Variants in CNTN1 observed in about 807,000 individuals in gnomAD.
CNTN1 encodes contactin 1, also known as contactin-1.
A neutral mutation model predicts 126.4 loss-of-function variants in CNTN1; 38 were observed. The observed-to-expected ratio is 0.30, with a 90% CI of 0.23 to 0.39. CNTN1 has a LOEUF of 0.39. Among genes scored for constraint, CNTN1 ranks in the 10% least tolerant of loss-of-function variants. The pLI is 1.00. For synonymous variants in CNTN1, 413 were observed against 422.6 expected, an observed-to-expected ratio of 0.98 and a Z score of 0.28; for missense variants, 1,009 against 1,248.4, an observed-to-expected ratio of 0.81 and a Z score of 2.89.
chr12:40,972,378 A>G (rs1205648095), intron 15 of CNTN1: 2 of 984,190 alleles, frequency 2.0e-6, no homozygotes, highest in Admixed American at 6.2e-5. Flanking sequence ...CTTTGGTCAA[A>G]GAGATGTGCT....
intron 1 of CNTN1, among the ~76,000 whole-genome samples, chr12:40,815,127 A>C (rs1941215337): frequency 6.6e-6 from 1 of 152,126 alleles, no homozygotes; most frequent in African/African-American, 2.4e-5. Flanking sequence ...TGTCTTGGCT[A>C]TTTGAGGTCT....
At chr12:40,844,784 A>C (rs1368984394) in intron 1 of CNTN1, among the ~76,000 whole-genome samples, 1 of 152,244 alleles carries the variant, frequency 6.6e-6, no homozygotes, top group East Asian at 1.9e-4. Context: ...AAGTGTAATA[A>C]TAATTGAAAA....
chr12:40,999,308 T>C (rs1351183593), intron 17 of CNTN1, among the ~76,000 whole-genome samples: 2 of 152,246 alleles, frequency 1.3e-5, no homozygotes, highest in East Asian at 1.9e-4. Flanking sequence ...TATTAATAAA[T>C]GATTAATAAT....
chr12:40,744,890 A>G (rs1302041936), intron 1 of CNTN1, among the ~76,000 whole-genome samples: 1 of 152,124 alleles, frequency 6.6e-6, no homozygotes, highest in Non-Finnish European at 1.5e-5. Flanking sequence ...TTTGGAGAAC[A>G]TTTGGAAAAA....
chr12:40,921,384 G>T (rs537124872), intron 4 of CNTN1, among the ~76,000 whole-genome samples: 62 of 152,218 alleles, frequency 4.1e-4, no homozygotes, highest in African/African-American at 1.4e-3. Context: ...GATAAACCCT[G>T]ATAAAGAATG....
intron 1 of CNTN1, among the ~76,000 whole-genome samples, chr12:40,693,466 C>T (rs1225041268): frequency 6.6e-6 from 1 of 152,218 alleles, no homozygotes; most frequent in Non-Finnish European, 1.5e-5. Flanking sequence ...CTGCAGGAGT[C>T]AGATTGCTGG....
At chr12:40,933,077 C>T (rs550356939) in intron 7 of CNTN1, among the ~76,000 whole-genome samples, 15 of 151,640 alleles carry the variant, frequency 9.9e-5, no homozygotes, top group South Asian at 6.3e-4. Flanking sequence ...TCTTGCCTTG[C>T]GTCTTTCTTT....
At chr12:40,964,258 T>A (rs1395612596) in intron 15 of CNTN1, among the ~76,000 whole-genome samples, 1 of 152,172 alleles carries the variant, frequency 6.6e-6, no homozygotes, top group Non-Finnish European at 1.5e-5. Flanking sequence ...TTCACTCAAA[T>A]CTGAGTTTAA....
intron 1 of CNTN1, among the ~76,000 whole-genome samples, chr12:40,882,332 A>G (rs1340468334): frequency 6.6e-6 from 1 of 151,788 alleles, no homozygotes; most frequent in Non-Finnish European, 1.5e-5. Flanking sequence ...CCTCATCAGT[A>G]TATTTATGCC....
intron 23 of CNTN1, among the ~76,000 whole-genome samples, chr12:41,062,825 C>T (rs1382569208): frequency 6.6e-6 from 1 of 152,084 alleles, no homozygotes; most frequent in East Asian, 1.9e-4. Flanking sequence ...TATATTTCTG[C>T]CACAAAATTT....
intron 1 of CNTN1, among the ~76,000 whole-genome samples, chr12:40,701,509 T>C (rs1485806400): frequency 6.6e-6 from 1 of 152,110 alleles, no homozygotes; most frequent in Non-Finnish European, 1.5e-5. Flanking sequence ...ATATTATAAA[T>C]AATATTTATA....
intron 1 of CNTN1, among the ~76,000 whole-genome samples, chr12:40,694,168 T>C (rs1239409206): frequency 3.3e-5 from 5 of 152,324 alleles, no homozygotes; most frequent in African/African-American, 1.2e-4. Flanking sequence ...TTTGGGGATC[T>C]GGGAATGGAT....
chr12:40,765,652 A>G (rs185556152), intron 1 of CNTN1, among the ~76,000 whole-genome samples: 1 of 152,366 alleles, frequency 6.6e-6, no homozygotes, highest in African/African-American at 2.4e-5. Context: ...ATATGAGAAC[A>G]GAAAAATGAC....
At chr12:40,738,314 G>A (rs1784248516) in intron 1 of CNTN1, among the ~76,000 whole-genome samples, 1 of 151,954 alleles carries the variant, frequency 6.6e-6, no homozygotes, top group Non-Finnish European at 1.5e-5. Flanking sequence ...GAAAATTGCT[G>A]TTTTATTTTG....
At chr12:41,018,608 A>T (rs976710364) in intron 19 of CNTN1, among the ~76,000 whole-genome samples, 2 of 150,936 alleles carry the variant, frequency 1.3e-5, no homozygotes, top group African/African-American at 2.4e-5. Flanking sequence ...ATGTGTGTAT[A>T]TATAAGTATA....
chr12:40,796,419 C>T (rs1297725413), intron 1 of CNTN1, among the ~76,000 whole-genome samples: 1 of 152,018 alleles, frequency 6.6e-6, no homozygotes, highest in Non-Finnish European at 1.5e-5. Flanking sequence ...CCTAGAAAAG[C>T]AAACTTGGAG....
intron 20 of CNTN1, among the ~76,000 whole-genome samples, chr12:41,024,104 C>T (rs116873535): frequency 0.012 from 1,790 of 152,200 alleles, 21 homozygotes; most frequent in South Asian, 0.047. Flanking sequence ...GAAATGTGCT[C>T]ATTCAACACA....
rs530097011 is a variant in CNTN1, at chr12:40,718,381, G to A, written c.-77+25789G>A. On this transcript the variant is annotated intron_variant, in intron 1 of 23. Coordinates refer to ENST00000551295, the MANE Select transcript of CNTN1 (RefSeq NM_001843.4). ...ATTTTACTAGAGATGGGGTTTCGCC[G>A]TGTTGGCCAGGATGGTCTCGATCTC... is the stretch of plus-strand genomic sequence containing the variant. 5.2e-4 allele frequency among the ~76,000 whole-genome samples: 79 copies of A among 151,870 alleles called. 1 individual carries two copies. Among genetic ancestry groups the A allele is most frequent in the Non-Finnish European group, 3.2e-4 (22 of 67,914 alleles).
intron 1 of CNTN1, among the ~76,000 whole-genome samples, chr12:40,747,333 T>TGTGTGTGTGTGTG (rs1938226248): frequency 5.8e-5 from 2 of 34,598 alleles, no homozygotes; most frequent in South Asian, 1.1e-3. Context: ...GTGTGTGTGT[T>TGTGTGTGTGTGTG]AGTGACTATT....
Sources: gnomAD v4.1 joint callset for allele counts (sites outside exome capture counted in the v4.1 genomes callset) on GRCh38, gnomAD v4.1.1 for gene constraint, MANE v1.5 for transcripts, NCBI Gene and HGNC (gene_info 2026-07-23, HGNC 2026-07-21) for gene names.